Variants in PTPRG observed in about 807,000 individuals in gnomAD.
PTPRG encodes the protein receptor-type tyrosine-protein phosphatase gamma.
PTPRG carries 102 observed loss-of-function variants against 165.3 expected under a neutral mutation model. The ratio of observed to expected loss-of-function variants is 0.62; its 90% confidence interval spans 0.53 to 0.73. PTPRG has a LOEUF of 0.73. Among genes scored for constraint, PTPRG ranks in the 30% least tolerant of loss-of-function variants. The pLI, the probability that PTPRG is intolerant of heterozygous loss-of-function variation, is 0.00. For synonymous variants in PTPRG, 675 were observed against 669.5 expected, an observed-to-expected ratio of 1.01 and a Z score of -0.13; for missense variants, 1,866 against 1,861.4, an observed-to-expected ratio of 1.00 and a Z score of -0.05.
Position 61,813,908 on chromosome 3 carries a change from G to T in PTPRG, c.190+64926G>T, listed in dbSNP as rs376526390. ...ATACTGGCTTTTTTTTTTTTTTTGG[G>T]GGGGGTTGGAGTCTCGCTCTGTCAC... On this transcript the variant is annotated intron_variant, in intron 2 of 29. Coordinates refer to ENST00000474889, the MANE Select transcript of PTPRG (RefSeq NM_002841.4). Among the ~76,000 whole-genome samples, 80 of 147,708 alleles carry T rather than the reference G, an allele frequency of 5.4e-4. No homozygotes were observed. The East Asian group carries it at 7.5e-3, about 14-fold the overall frequency.
chr3:61,906,902 C>T (rs1460582590), intron 2 of PTPRG, among the ~76,000 whole-genome samples: 3 of 151,806 alleles, frequency 2.0e-5, no homozygotes, highest in Non-Finnish European at 4.4e-5. Flanking sequence ...TACTGTTGCT[C>T]CTGGCTACAA....
intron 2 of PTPRG, among the ~76,000 whole-genome samples, chr3:61,891,752 C>A (rs1311627621): frequency 6.6e-6 from 1 of 152,176 alleles, no homozygotes; most frequent in African/African-American, 2.4e-5. Flanking sequence ...CAAAGTACTT[C>A]CTGAAATATT....
chr3:61,854,029 A>G (rs1019628643), intron 2 of PTPRG, among the ~76,000 whole-genome samples: 2 of 152,162 alleles, frequency 1.3e-5, no homozygotes, highest in African/African-American at 2.4e-5. Flanking sequence ...ACATAAGCTC[A>G]GAGGAACCGG....
At chr3:62,283,003 T>C (rs1054703565) in intron 28 of PTPRG, 134 bp downstream of exon 28, 11 of 764,024 alleles carry the variant, frequency 1.4e-5, no homozygotes, top group African/African-American at 1.3e-4. Flanking sequence ...ATGTTATTTC[T>C]ACTGTGGACA....
At chr3:61,845,498 C>T (rs191223695) in intron 2 of PTPRG, among the ~76,000 whole-genome samples, 1 of 152,216 alleles carries the variant, frequency 6.6e-6, no homozygotes, top group East Asian at 1.9e-4. Flanking sequence ...TTCCATTTTC[C>T]CCTTGAAAAC....
At chr3:61,804,866 A>T (rs1006753512) in intron 2 of PTPRG, among the ~76,000 whole-genome samples, 1 of 152,148 alleles carries the variant, frequency 6.6e-6, no homozygotes, top group Non-Finnish European at 1.5e-5. Context: ...CCCCTTCCTG[A>T]TGTATAAATG....
chr3:61,895,216 A>T (rs887465601), intron 2 of PTPRG, among the ~76,000 whole-genome samples: 4 of 152,222 alleles, frequency 2.6e-5, no homozygotes, highest in South Asian at 4.2e-4. Flanking sequence ...TTCAAGCATT[A>T]CTCTGACTTA....
At chr3:62,199,035 A>G (rs1171783292) in intron 10 of PTPRG, among the ~76,000 whole-genome samples, 1 of 152,230 alleles carries the variant, frequency 6.6e-6, no homozygotes, top group African/African-American at 2.4e-5. Context: ...GTTCAAGACC[A>G]GTGGAAAGCC....
Position 62,144,287 on chromosome 3 carries a change from A to G in PTPRG, c.682+11619A>G, listed in dbSNP as rs536786591. Among the ~76,000 whole-genome samples the G allele has an allele frequency of 1.2e-4, 18 of 152,312 alleles. No homozygotes were observed. In the South Asian group the frequency reaches 3.7e-3, roughly 32 times the overall value. On this transcript the variant is annotated intron_variant, in intron 6 of 29. Coordinates refer to ENST00000474889, the MANE Select transcript of PTPRG (RefSeq NM_002841.4). ...CCAGTAATTTGTTTATGTTGGGGCA[A>G]TGTAAATACTCACTCAGGTCATTAC...
chr3:62,012,247 G>C (rs745477379), intron 4 of PTPRG, among the ~76,000 whole-genome samples: 1 of 152,160 alleles, frequency 6.6e-6, no homozygotes, highest in East Asian at 1.9e-4. Context: ...GAGACTTCCT[G>C]TTAGTACTCC....
At chr3:61,621,317 C>T (rs1217195956) in intron 1 of PTPRG, among the ~76,000 whole-genome samples, 1 of 152,030 alleles carries the variant, frequency 6.6e-6, no homozygotes, top group Non-Finnish European at 1.5e-5. Context: ...TCCTTCCATC[C>T]TGCAGGGATC....
At chr3:61,943,743 A>G (rs1222437568) in intron 2 of PTPRG, among the ~76,000 whole-genome samples, 1 of 152,154 alleles carries the variant, frequency 6.6e-6, no homozygotes, top group East Asian at 1.9e-4. Context: ...GGTACGTCAA[A>G]ATTTCTTATA....
intron 1 of PTPRG, among the ~76,000 whole-genome samples, chr3:61,617,483 G>C (rs1410360564): frequency 6.6e-6 from 1 of 152,182 alleles, no homozygotes; most frequent in East Asian, 1.9e-4. Flanking sequence ...ATACTTTCAA[G>C]AAGATAGTGT....
chr3:61,786,175 G>A (rs777785914), intron 2 of PTPRG, among the ~76,000 whole-genome samples: 1 of 152,168 alleles, frequency 6.6e-6, no homozygotes, highest in South Asian at 2.1e-4. Context: ...GGGTAGAGTA[G>A]GTAGTGTCAG....
At chr3:62,092,395 G>A (rs1701967968) in intron 5 of PTPRG, among the ~76,000 whole-genome samples, 1 of 133,652 alleles carries the variant, frequency 7.5e-6, no homozygotes, top group African/African-American at 2.9e-5. Context: ...AGCTGAGATT[G>A]TGCCACTGCA....
At chr3:62,160,361 A>G (rs1199159448) in intron 7 of PTPRG, among the ~76,000 whole-genome samples, 1 of 152,198 alleles carries the variant, frequency 6.6e-6, no homozygotes, top group Non-Finnish European at 1.5e-5. Flanking sequence ...GGCTTGTGTG[A>G]TAATCTAGAT....
At chr3:62,282,561 A>AC (rs1702492727) in intron 27 of PTPRG, among the ~76,000 whole-genome samples, 166 bp from the exon 28 acceptor site, 1 of 151,720 alleles carries the variant, frequency 6.6e-6, no homozygotes, top group South Asian at 2.1e-4. Flanking sequence ...AAACAAAAAA[A>AC]AAAAACCTTC....
chr3:62,100,477 C>T (rs1702252254), intron 5 of PTPRG, among the ~76,000 whole-genome samples: 1 of 152,060 alleles, frequency 6.6e-6, no homozygotes, highest in Non-Finnish European at 1.5e-5. Context: ...AGTTTCTGTG[C>T]AGTCAGACCA....
intron 4 of PTPRG, among the ~76,000 whole-genome samples, chr3:62,042,943 A>G (rs1700175913): frequency 6.6e-6 from 1 of 152,192 alleles, no homozygotes. Flanking sequence ...CCCACATCTT[A>G]AAAAGGGTCA....
Sources: gnomAD v4.1 joint callset for allele counts (sites outside exome capture counted in the v4.1 genomes callset) on GRCh38, gnomAD v4.1.1 for gene constraint, MANE v1.5 for transcripts, NCBI Gene and HGNC (gene_info 2026-07-23, HGNC 2026-07-21) for gene names.